IFNLR1: variants seen among roughly 807,000 people sequenced by gnomAD.
The protein encoded by IFNLR1 is interferon lambda receptor 1, also known as CRF2-12.
Under a neutral mutation model 52.5 loss-of-function variants are expected in IFNLR1, and 28 were observed. The ratio of observed to expected loss-of-function variants is 0.53; its 90% CI spans 0.40 to 0.73. The LOEUF (loss-of-function observed/expected upper bound fraction) is 0.73, where lower values mean the gene tolerates loss of function less well. Ranked by LOEUF, IFNLR1 falls within the 30% of genes least tolerant of loss-of-function variation. IFNLR1 has a pLI of 0.00. For missense variants in IFNLR1, 623 were observed against 659.1 expected (o/e 0.95, Z 0.60); for synonymous variants, 276 against 274.9 (o/e 1.00, Z -0.04).
chr1:24,181,695 T>C (rs969221861), intron 1 of IFNLR1, among the ~76,000 whole-genome samples: 3 of 152,112 alleles, frequency 2.0e-5, no homozygotes, highest in African/African-American at 7.2e-5. Context: ...GCACCTTCCA[T>C]CTCAGGAACC....
intron 1 of IFNLR1, among the ~76,000 whole-genome samples, chr1:24,183,832 C>A (rs1024330642): frequency 6.6e-6 from 1 of 152,198 alleles, no homozygotes; most frequent in African/African-American, 2.4e-5. Flanking sequence ...CGGGTTCAAG[C>A]GATTCTCCTG....
At chr1:24,181,057 C>T (rs1354312071) in intron 1 of IFNLR1, among the ~76,000 whole-genome samples, 1 of 152,104 alleles carries the variant, frequency 6.6e-6, no homozygotes, top group East Asian at 1.9e-4. Context: ...CACTCTGGGA[C>T]CGGAGGGTTC....
chr1:24,180,699 T>TTC, intron 2 of IFNLR1, 32 bp downstream of exon 2: 1 of 1,479,984 alleles, frequency 6.8e-7, no homozygotes, highest in Non-Finnish European at 9.2e-7. Context: ...CCCTCAGTCT[T>TTC]CCCATCCACC....
At chr1:24,184,514 A>G (rs1366479003) in intron 1 of IFNLR1, among the ~76,000 whole-genome samples, 1 of 151,898 alleles carries the variant, frequency 6.6e-6, no homozygotes, top group East Asian at 1.9e-4. Flanking sequence ...TCTCTCCCCA[A>G]CAGCTACCCT....
chr1:24,168,592 A>C (rs1205377240), intron 3 of IFNLR1, among the ~76,000 whole-genome samples: 2 of 146,806 alleles, frequency 1.4e-5, no homozygotes, highest in Admixed American at 1.4e-4. Context: ...AATAGACTGA[A>C]AAAAAAAAAG....
At position 24,161,575 on chromosome 1, in the gene IFNLR1, C is replaced by T. The variant is rs1408523168; in HGVS notation, c.477G>A (p.Glu159=). The stretch of plus-strand genomic sequence containing the variant: ...CGGCCCCCTCCTTCCAGAATGCCAC[C>T]TCATACTTCAGATCCAGTGGGGGCA... ...PCMPPLDLKY[E]VAFWKEGAGN... Residue 159 remains glutamate, a synonymous_variant, in exon 4 of 7, where the codon GAG becomes GAA. Coordinates refer to ENST00000327535, the MANE Select transcript of IFNLR1 (RefSeq NM_170743.4). 1.3e-5 allele frequency: 21 copies of T among 1,556,002 alleles called. No individual in the cohort carries two copies. Among genetic ancestry groups the T allele is most frequent in the Non-Finnish European group, 1.7e-5 (20 of 1,148,770 alleles).
Position 24,155,752 on chromosome 1 carries a change from G to A in IFNLR1, c.*1378C>T, listed in dbSNP as rs1298617026. 1.3e-5 allele frequency: 2 copies of A among 152,246 alleles called. No individual in the cohort carries two copies. The highest frequency in any genetic ancestry group is 2.9e-5 in the Non-Finnish European group (2 of 68,056). The allele number at this position is 152,246 out of a possible 1,614,324, so 9.4% of individuals were successfully genotyped here. A position where few individuals can be genotyped will look rare whatever the true frequency, so the allele number is the denominator to read the frequency against. On this transcript the variant is annotated 3_prime_UTR_variant, in exon 7 of 7. Coordinates refer to ENST00000327535, the MANE Select transcript of IFNLR1 (RefSeq NM_170743.4). ...TGAAGATCCCTTCTTCACAAATCCA[G>A]AAATGTTAGTCCTGGCAGGTTGAAT...
intron 4 of IFNLR1, among the ~76,000 whole-genome samples, chr1:24,160,848 A>G (rs977951734): frequency 5.3e-5 from 8 of 151,178 alleles, no homozygotes; most frequent in African/African-American, 9.7e-5. Context: ...CTGCCTCAGC[A>G]TCCCAAGCAG....
In IFNLR1 at chr1:24,157,462, C is replaced by T. The variant is rs1232754625; in HGVS notation, c.1231G>A (p.Gly411Arg). The change falls in exon 7 of 7, where the codon GGG becomes AGG. Residue 411 changes from glycine (G) to arginine (R), a missense_variant. Gly to Arg is a moderately radical substitution (Grantham distance 125). Transcript: ENST00000327535. The surrounding 1 kb of genome is among the most constrained non-coding windows in gnomAD (Gnocchi z 5.1). ...TCCCCACCCGGCCCTTGGCCTGGCC[C>T]CTTCTCAGCCAAATAGCCAGAGGAC... Reference protein sequence around the residue: ...AGSSGYLAEKGPGQGPGGDGH... With the variant: ...AGSSGYLAEKRPGQGPGGDGH... The T allele has an allele frequency of 2.5e-6, 4 of 1,613,860 alleles. No homozygotes were observed. In the South Asian group the frequency reaches 3.3e-5, roughly 13 times the overall value.
At position 24,180,722 on chromosome 1, in the gene IFNLR1, C is replaced by A; in HGVS notation, c.182+9G>T. 1.5e-6 allele frequency: 2 copies of A among 1,359,072 alleles called. No individual in the cohort carries two copies. Among genetic ancestry groups the A allele is most frequent in the African/African-American group, 1.5e-5 (1 of 66,970 alleles). 84.2% of individuals were successfully genotyped at this position (1,359,072 alleles called of 1,614,324 possible). A position where few individuals can be genotyped will look rare whatever the true frequency, so the allele number is the denominator to read the frequency against. On this transcript the variant is annotated intron_variant, in intron 2 of 6. Transcript: ENST00000327535. ...CTTCCCATCCACCAGCCGAGAGAGTCCCCTCTACCTCTGATAGGCCACAAA... is the reference window on the plus strand; with the variant it reads ...CTTCCCATCCACCAGCCGAGAGAGTACCCTCTACCTCTGATAGGCCACAAA...
chr1:24,173,331 G>T (rs1263561173), intron 2 of IFNLR1, among the ~76,000 whole-genome samples: 1 of 152,078 alleles, frequency 6.6e-6, no homozygotes, highest in African/African-American at 2.4e-5. Context: ...ATAAGCACAT[G>T]AAAAGATGTT....
chr1:24,186,664 AAAC>A (rs57142907), intron 1 of IFNLR1, among the ~76,000 whole-genome samples: 16,764 of 151,406 alleles, frequency 0.11, 1,121 homozygotes, highest in East Asian at 0.23. Context: ...AGAGGTGGGA[AAAC>A]AACAACAACA....
At chr1:24,169,032 C>G (rs1644549919) in intron 3 of IFNLR1, among the ~76,000 whole-genome samples, 2 of 152,188 alleles carry the variant, frequency 1.3e-5, no homozygotes, top group Admixed American at 6.5e-5. Context: ...GCGTGAGCCA[C>G]CACGCCTGGC....
In IFNLR1 at chr1:24,187,176, GC is replaced by G; in HGVS notation, c.58+14del. 1.5e-6 allele frequency: 2 copies of G among 1,359,856 alleles called. No homozygotes were observed. The highest frequency in any genetic ancestry group is 1.9e-6 in the Non-Finnish European group (2 of 1,052,424). The allele number at this position is 1,359,856 out of a possible 1,614,324, so 84.2% of individuals were successfully genotyped here. A position where few individuals can be genotyped will look rare whatever the true frequency, so the allele number is the denominator to read the frequency against. ...AGCCCTCTTCCCCCTCCCTCCCGCG[GC>G]CCCGCGCCCTTACCTGGAGCGGCCT... is the stretch of plus-strand genomic sequence containing the variant. On this transcript the variant is annotated intron_variant, in intron 1 of 6. Coordinates refer to ENST00000327535, the MANE Select transcript of IFNLR1 (RefSeq NM_170743.4).
intron 2 of IFNLR1, among the ~76,000 whole-genome samples, chr1:24,169,981 T>A (rs1215501794): frequency 2.0e-5 from 3 of 152,244 alleles, no homozygotes; most frequent in African/African-American, 7.2e-5. Flanking sequence ...ACCTGCTGCA[T>A]GCCAAGGACC....
intron 3 of IFNLR1, 86 bp downstream of exon 3, chr1:24,169,331 T>C: frequency 7.8e-7 from 1 of 1,280,284 alleles, no homozygotes; most frequent in Admixed American, 2.2e-5. Context: ...AGACAGATGG[T>C]CAGGAGAACA....
intron 6 of IFNLR1, 84 bp downstream of exon 6, chr1:24,158,968 C>T: frequency 1.4e-6 from 2 of 1,385,696 alleles, no homozygotes; most frequent in Non-Finnish European, 2.0e-6. Context: ...TCTTGATATT[C>T]TATCTGAACA....
At chr1:24,180,401 G>A (rs931136469) in intron 2 of IFNLR1, among the ~76,000 whole-genome samples, 22 of 152,038 alleles carry the variant, frequency 1.4e-4, no homozygotes, top group African/African-American at 5.3e-4. Flanking sequence ...TGATCAGCTG[G>A]GACAGCTCCA....
rs1644373488 is a variant in IFNLR1 at position 24,155,885 on chromosome 1, G to C, written c.*1245C>G. The C allele has an allele frequency of 1.3e-5, 2 of 152,236 alleles. No homozygotes were observed. Among genetic ancestry groups the C allele is most frequent in the African/African-American group, 4.8e-5 (2 of 41,460 alleles). The allele number at this position is 152,236 out of a possible 1,614,324, so 9.4% of individuals were successfully genotyped here. On this transcript the variant is annotated 3_prime_UTR_variant, in exon 7 of 7. Transcript: ENST00000327535. ...ATTCAGGTGGGTGTAGGTTAACTGA[G>C]GATGCATCAGCACCCCCAGGTAAGG...
Sources: gnomAD v4.1 joint callset for allele counts (sites outside exome capture counted in the v4.1 genomes callset) on GRCh38, gnomAD v4.1.1 for gene constraint, Gnocchi (gnomAD v3.1) non-coding constraint, MANE v1.5 for transcripts, NCBI Gene and HGNC (gene_info 2026-07-23, HGNC 2026-07-21) for gene names.